Variants in PSMD14 observed in about 807,000 individuals in gnomAD.
PSMD14 encodes proteasome 26S subunit, non-ATPase 14.
PSMD14 carries 7 observed loss-of-function variants against 41.2 expected under a neutral mutation model. The observed-to-expected ratio is 0.17, with a 90% confidence interval of 0.10 to 0.32. The LOEUF (loss-of-function observed/expected upper bound fraction) is 0.32, where lower values mean the gene tolerates loss of function less well. PSMD14 is among the 10% of genes least tolerant of loss of function. The pLI is 1.00. For synonymous variants in PSMD14, 114 were observed against 122.3 expected (o/e 0.93, Z 0.45); for missense variants, 139 against 375.6 (o/e 0.37, Z 5.21).
intron 3 of PSMD14, among the ~76,000 whole-genome samples, chr2:161,349,573 G>A (rs1034571032): frequency 1.3e-5 from 2 of 152,090 alleles, no homozygotes; most frequent in African/African-American, 2.4e-5. Context: ...TAAGATGTTC[G>A]ATCAGGTAAC....
At chr2:161,341,885 T>A (rs1349250305) in intron 3 of PSMD14, among the ~76,000 whole-genome samples, 3 of 148,524 alleles carry the variant, frequency 2.0e-5, no homozygotes, top group Non-Finnish European at 4.5e-5. Flanking sequence ...TATGTATATA[T>A]AAATTTGTGT....
chr2:161,312,441 G>T (rs764546377), intron 1 of PSMD14, among the ~76,000 whole-genome samples: 3 of 152,118 alleles, frequency 2.0e-5, no homozygotes, highest in African/African-American at 4.8e-5. Context: ...ACTGCACCTG[G>T]CCAAAAATTG....
intron 8 of PSMD14, among the ~76,000 whole-genome samples, chr2:161,388,462 T>C (rs572305667): frequency 1.3e-5 from 2 of 152,224 alleles, no homozygotes; most frequent in South Asian, 4.1e-4. Flanking sequence ...AATTAATTAA[T>C]TTTGGCATAG....
chr2:161,339,605 T>A (rs1292110296), intron 3 of PSMD14, among the ~76,000 whole-genome samples: 1 of 151,744 alleles, frequency 6.6e-6, no homozygotes, highest in East Asian at 2.0e-4. Context: ...GTGGTGCCTA[T>A]AAGCCAGGGT....
intron 1 of PSMD14, among the ~76,000 whole-genome samples, chr2:161,311,329 G>C (rs186639113): frequency 4.6e-5 from 7 of 151,762 alleles, no homozygotes; most frequent in Admixed American, 3.3e-4. Flanking sequence ...AAAAAAAATT[G>C]CATCTATATT....
chr2:161,360,868 A>C (rs866695871), intron 3 of PSMD14, among the ~76,000 whole-genome samples: 5 of 152,182 alleles, frequency 3.3e-5, no homozygotes, highest in Admixed American at 6.5e-5. Context: ...TTTCTGATGT[A>C]ATTAGTCTCT....
At chr2:161,337,311 A>G (rs1682884521) in intron 3 of PSMD14, among the ~76,000 whole-genome samples, 1 of 152,200 alleles carries the variant, frequency 6.6e-6, no homozygotes, top group Non-Finnish European at 1.5e-5. Context: ...CTTTTTTGGT[A>G]TCAGTAAACT....
chr2:161,383,558 T>C (rs911226657), intron 7 of PSMD14: 1 of 151,658 alleles, frequency 6.6e-6, no homozygotes, highest in African/African-American at 2.4e-5. Context: ...TATAGACTTC[T>C]ACAAGTAAAA....
chr2:161,311,625 CTTTTTTTTTTTT>C (rs34635738), intron 1 of PSMD14, among the ~76,000 whole-genome samples: 26 of 58,590 alleles, frequency 4.4e-4, no homozygotes, highest in Non-Finnish European at 5.9e-4. Flanking sequence ...CTCACTCTTC[CTTTTTTTTTTTT>C]TTTTTTTTTT....
rs553065356 is a variant in PSMD14 at position 161,351,645 on chromosome 2, T to A, written c.49-15833T>A. ...GGTGTGCTAGTCAGGAAAGGTTGAT[T>A]ATGTTTCAGGAATAACCTCCAAATC... On this transcript the variant is annotated intron_variant, in intron 3 of 11. Coordinates refer to ENST00000409682, the MANE Select transcript of PSMD14 (RefSeq NM_005805.6). Among the ~76,000 whole-genome samples the A allele has an allele frequency of 2.2e-4, 33 of 152,346 alleles. 2 individuals carry two copies. The South Asian group carries it at 6.8e-3, about 32-fold the overall frequency.
chr2:161,410,322 A>G (rs907071310), intron 11 of PSMD14, among the ~76,000 whole-genome samples: 3 of 152,068 alleles, frequency 2.0e-5, no homozygotes, highest in Non-Finnish European at 4.4e-5. Flanking sequence ...TTAAAAAAAA[A>G]TAGTGTATTA....
intron 3 of PSMD14, among the ~76,000 whole-genome samples, chr2:161,360,257 A>G (rs761957051): frequency 3.4e-5 from 5 of 148,080 alleles, no homozygotes; most frequent in Non-Finnish European, 5.9e-5. Flanking sequence ...TGGCGAGATC[A>G]TGACTCACTG....
chr2:161,330,346 A>G (rs1682770629), intron 3 of PSMD14, among the ~76,000 whole-genome samples: 1 of 152,206 alleles, frequency 6.6e-6, no homozygotes, highest in Non-Finnish European at 1.5e-5. Flanking sequence ...AATATGGGAA[A>G]TTAAGACATT....
intron 8 of PSMD14, among the ~76,000 whole-genome samples, chr2:161,386,516 T>G (rs1164239471): frequency 1.3e-5 from 2 of 151,604 alleles, no homozygotes; most frequent in African/African-American, 4.8e-5. Context: ...GTAATCTTCA[T>G]CAAAGTGAAG....
intron 9 of PSMD14, among the ~76,000 whole-genome samples, chr2:161,392,659 T>A (rs1683728271): frequency 6.6e-6 from 1 of 151,992 alleles, no homozygotes; most frequent in South Asian, 2.1e-4. Flanking sequence ...GTGAGGGGAG[T>A]GGGGGACCAC....
chr2:161,371,703 A>G (rs534773166), intron 7 of PSMD14, among the ~76,000 whole-genome samples: 9 of 152,264 alleles, frequency 5.9e-5, no homozygotes, highest in Admixed American at 2.6e-4. Context: ...TTAAAAATCT[A>G]TTTAAAGGGC....
At chr2:161,343,304 A>G (rs1351859100) in intron 3 of PSMD14, among the ~76,000 whole-genome samples, 2 of 152,190 alleles carry the variant, frequency 1.3e-5, no homozygotes, top group Non-Finnish European at 2.9e-5. Flanking sequence ...CCTCACATAT[A>G]TGGAATCATT....
At chr2:161,380,127 A>G (rs537524810) in intron 7 of PSMD14, among the ~76,000 whole-genome samples, 33 of 152,140 alleles carry the variant, frequency 2.2e-4, no homozygotes, top group Non-Finnish European at 4.0e-4. Context: ...TACCAAGTCT[A>G]TGAGGCATCG....
At chr2:161,396,664 G>A (rs571691366) in intron 10 of PSMD14, among the ~76,000 whole-genome samples, 1 of 152,106 alleles carries the variant, frequency 6.6e-6, no homozygotes, top group Non-Finnish European at 1.5e-5. Flanking sequence ...AAGGTGTTGG[G>A]GAGCAAAAAA....
Sources: allele counts gnomAD v4.1 joint callset (sites outside exome capture counted in the v4.1 genomes callset), GRCh38; gene constraint gnomAD v4.1.1; transcripts MANE v1.5; gene names NCBI Gene and HGNC (gene_info 2026-07-23, HGNC 2026-07-21).